Variants in ST3GAL1 observed in about 807,000 individuals in gnomAD.
ST3GAL1 encodes the protein ST3 beta-galactoside alpha-2,3-sialyltransferase 1.
Under a neutral mutation model 34.1 loss-of-function variants are expected in ST3GAL1, and 16 were observed. The observed-to-expected ratio is 0.47, with a 90% CI of 0.32 to 0.71. The LOEUF is 0.71. ST3GAL1 is among the 30% of genes least tolerant of loss of function. ST3GAL1 has a pLI of 0.04. For missense variants in ST3GAL1, 353 were observed against 447.4 expected, an observed-to-expected ratio of 0.79 and a Z score of 1.90; for synonymous variants, 191 against 184.7, an observed-to-expected ratio of 1.03 and a Z score of -0.28.
chr8:133,461,880 C>T lies in ST3GAL1; in HGVS notation c.844G>A (p.Asp282Asn), dbSNP rs763022288. The T allele has an allele frequency of 1.9e-6, 3 of 1,613,928 alleles. No homozygotes were observed. The highest frequency in any genetic ancestry group is 1.3e-5 in the African/African-American group (1 of 74,906). ...GCAGGGGGAGGGTGGCATACCTCAT[C>T]GCAGACATGCATTGAGAAGATGACC... Reference protein sequence around the residue: ...LSVIFSMHVCDEVDLYGFGAD... With the variant: ...LSVIFSMHVCNEVDLYGFGAD... The change falls in exon 9 of 10, where the codon GAT becomes AAT. Residue 282 changes from aspartate to asparagine, a missense_variant. Coordinates refer to ENST00000522652, the MANE Select transcript of ST3GAL1 (RefSeq NM_173344.3). This position sits in a 1 kb window ranked among gnomAD's most constrained non-coding sequence, Gnocchi z 4.7.
At position 133,459,720 on chromosome 8, in the gene ST3GAL1, A is replaced by C; in HGVS notation, c.*44T>G. On this transcript the variant is annotated 3_prime_UTR_variant, in exon 10 of 10. Transcript: ENST00000522652. The surrounding 1 kb of genome is among the most constrained non-coding windows in gnomAD (Gnocchi z 4.7). ...CTCCAGCAAGATGCTGGGGCTGGAA[A>C]TGCAGAGGTGTGACAGTGCGTCCAT... The C allele has an allele frequency of 6.4e-7, 1 of 1,557,218 alleles. No homozygotes were observed. Among genetic ancestry groups the C allele is most frequent in the South Asian group, 1.2e-5 (1 of 83,368 alleles).
chr8:133,540,924 T>TATATAGACATATATATAGAC (rs1563734225), intron 2 of ST3GAL1, among the ~76,000 whole-genome samples: 6 of 75,888 alleles, frequency 7.9e-5, no homozygotes, highest in East Asian at 1.0e-3. Context: ...TATAGACATA[T>TATATAGACATATATATAGAC]ATATATAGAC....
At chr8:133,470,631 A>G (rs762191566) in intron 5 of ST3GAL1, among the ~76,000 whole-genome samples, 2 of 152,156 alleles carry the variant, frequency 1.3e-5, no homozygotes, top group Non-Finnish European at 2.9e-5. Context: ...CTTCCCTGGA[A>G]GCAGAGGCTG....
At chr8:133,515,217 C>G (rs1817608683) in intron 2 of ST3GAL1, among the ~76,000 whole-genome samples, 1 of 152,226 alleles carries the variant, frequency 6.6e-6, no homozygotes, top group Admixed American at 6.5e-5. Context: ...GGCAGCAGGC[C>G]TCCTGGGCCC....
intron 2 of ST3GAL1, among the ~76,000 whole-genome samples, chr8:133,526,621 C>A (rs1817982843): frequency 6.6e-6 from 1 of 152,066 alleles, no homozygotes; most frequent in Admixed American, 6.6e-5. Context: ...AACAGAGAAA[C>A]CACTGCAAAA....
In ST3GAL1 at chr8:133,466,233, C is replaced by T; in HGVS notation, c.307-143G>A. 1.3e-6 allele frequency: 1 copy of T among 760,432 alleles called. No individual in the cohort carries two copies. The highest frequency in any genetic ancestry group is 2.1e-6 in the Non-Finnish European group (1 of 478,066). 47.1% of individuals were successfully genotyped at this position (760,432 alleles called of 1,614,324 possible). A position where few individuals can be genotyped will look rare whatever the true frequency, so the allele number is the denominator to read the frequency against. On this transcript the variant is annotated intron_variant, in intron 5 of 9. Transcript: ENST00000522652. The surrounding 1 kb of genome is among the most constrained non-coding windows in gnomAD (Gnocchi z 4.4). ...GCTGGGCCCCCGGAGATGGAGGCGG[C>T]TCACACACAGACACCTCCACTTCCT...
intron 2 of ST3GAL1, among the ~76,000 whole-genome samples, chr8:133,544,412 G>T (rs554318877): frequency 6.6e-6 from 1 of 152,298 alleles, no homozygotes; most frequent in East Asian, 1.9e-4. Context: ...ATGTTCCCAA[G>T]CATCATTACT....
Position 133,541,096 on chromosome 8 carries a change from C to T in ST3GAL1, c.-429+4678G>A, listed in dbSNP as rs905804777. On this transcript the variant is annotated intron_variant, in intron 2 of 9. Transcript: ENST00000522652. ...ATATATATAGACATATATATATAAA[C>T]ATATATATATATATATATATATATA... Among the ~76,000 whole-genome samples the T allele has an allele frequency of 3.3e-3, 123 of 37,182 alleles. 5 individuals carry two copies. Among genetic ancestry groups the T allele is most frequent in the Non-Finnish European group, 3.8e-3 (84 of 22,236 alleles). The allele number at this position is 37,182 out of a possible 152,430, so 24.4% of individuals were successfully genotyped here.
Position 133,463,395 on chromosome 8 carries a change from G to C in ST3GAL1, c.729+19C>G. ...AGGAAGCCTGAACTTAGAACAGAGG[G>C]GCCGGGGCCTCCACTCACCTTATCC... On this transcript the variant is annotated intron_variant, in intron 8 of 9. Transcript: ENST00000522652. 6.2e-7 allele frequency: 1 copy of C among 1,613,720 alleles called. No homozygotes were observed. Among genetic ancestry groups the C allele is most frequent in the South Asian group, 1.1e-5 (1 of 90,910 alleles).
Position 133,482,006 on chromosome 8 carries a change from C to T in ST3GAL1, c.-373-5406G>A, listed in dbSNP as rs566399212. 3.9e-5 allele frequency among the ~76,000 whole-genome samples: 6 copies of T among 152,158 alleles called. No homozygotes were observed. In the South Asian group the frequency reaches 1.2e-3, roughly 32 times the overall value. On this transcript the variant is annotated intron_variant, in intron 3 of 9. Coordinates refer to ENST00000522652, the MANE Select transcript of ST3GAL1 (RefSeq NM_173344.3). The stretch of plus-strand genomic sequence containing the variant: ...CTCACTGACTCCCTCTACCTACCTA[C>T]CTATCTCTGTTTTGTTTCCCCACCT...
Position 133,517,404 on chromosome 8 carries a change from C to G in ST3GAL1, c.-428-18215G>C, listed in dbSNP as rs890670114. On this transcript the variant is annotated intron_variant, in intron 2 of 9. Transcript: ENST00000522652. The stretch of plus-strand genomic sequence containing the variant: ...TCACTCTCTCACCCAGGCTGGAGTG[C>G]AGTGGTGCAATCTCAGTTCACTGCA... Among the ~76,000 whole-genome samples the G allele has an allele frequency of 1.2e-4, 18 of 152,254 alleles. No homozygotes were observed. In the South Asian group the frequency reaches 2.3e-3, roughly 19 times the overall value.
At chr8:133,498,181 C>T (rs528757524) in intron 3 of ST3GAL1, among the ~76,000 whole-genome samples, 117 of 152,342 alleles carry the variant, frequency 7.7e-4, no homozygotes, top group African/African-American at 2.7e-3. Flanking sequence ...CTCTGTCTTC[C>T]CCCGCCAGAA....
chr8:133,512,258 A>T (rs1293660646), intron 2 of ST3GAL1, among the ~76,000 whole-genome samples: 1 of 152,290 alleles, frequency 6.6e-6, no homozygotes, highest in South Asian at 2.1e-4. Context: ...CACTGGTGTA[A>T]GTCCAAGAGT....
intron 2 of ST3GAL1, among the ~76,000 whole-genome samples, chr8:133,500,290 T>C (rs1222068689): frequency 1.3e-5 from 2 of 152,064 alleles, no homozygotes; most frequent in African/African-American, 2.4e-5. Flanking sequence ...TCTGAGGCCC[T>C]CAGACGTTAA....
chr8:133,547,218 T>G (rs1818697367), intron 1 of ST3GAL1, among the ~76,000 whole-genome samples: 3 of 152,048 alleles, frequency 2.0e-5, no homozygotes, highest in African/African-American at 7.2e-5. Context: ...GTGACATAAA[T>G]AAAGGCTTTA....
chr8:133,526,111 A>G (rs984456946), intron 2 of ST3GAL1, among the ~76,000 whole-genome samples: 2 of 152,126 alleles, frequency 1.3e-5, no homozygotes, highest in Non-Finnish European at 2.9e-5. Context: ...TGCTGCCATC[A>G]CTGACAATTC....
Position 133,551,612 on chromosome 8 carries a change from AAG to A in ST3GAL1, c.-581-5688_-581-5687del, listed in dbSNP as rs1311113191. On this transcript the variant is annotated intron_variant, in intron 1 of 9. Coordinates refer to ENST00000522652, the MANE Select transcript of ST3GAL1 (RefSeq NM_173344.3). ...AAAGAAAGAAAGAAAGAAAGAAAGA[AAG>A]AAAGAGCGAGCAAGCCTTTCTCTGA... Among the ~76,000 whole-genome samples the A allele has an allele frequency of 1.3e-3, 171 of 129,810 alleles. 2 individuals carry two copies. Among genetic ancestry groups the A allele is most frequent in the African/African-American group, 4.3e-3 (152 of 35,526 alleles). 85.2% of individuals were successfully genotyped at this position (129,810 alleles called of 152,430 possible). A position where few individuals can be genotyped will look rare whatever the true frequency, so the allele number is the denominator to read the frequency against.
At chr8:133,506,814 G>T (rs1817356100) in intron 2 of ST3GAL1, among the ~76,000 whole-genome samples, 1 of 151,846 alleles carries the variant, frequency 6.6e-6, no homozygotes, top group African/African-American at 2.4e-5. Context: ...GCTGGGCTGG[G>T]TGTGGTGGCT....
At position 133,469,570 on chromosome 8, in the gene ST3GAL1, G is replaced by A. The variant is rs558693803; in HGVS notation, c.307-3480C>T. On this transcript the variant is annotated intron_variant, in intron 5 of 9. Transcript: ENST00000522652. This position sits in a 1 kb window ranked among gnomAD's most constrained non-coding sequence, Gnocchi z 4.3. Reference sequence around the variant, plus strand: ...AGGAAACCTCTCATCTCTACCACACGTAGAAAGCAAGAATTACCTGGCAGA... The same window carrying A: ...AGGAAACCTCTCATCTCTACCACACATAGAAAGCAAGAATTACCTGGCAGA... Among the ~76,000 whole-genome samples, 18 of 152,300 alleles carry A rather than the reference G, an allele frequency of 1.2e-4. No homozygotes were observed. The East Asian group carries it at 2.3e-3, about 20-fold the overall frequency.
Sources: gnomAD v4.1 joint callset for allele counts (sites outside exome capture counted in the v4.1 genomes callset) on GRCh38, gnomAD v4.1.1 for gene constraint, Gnocchi (gnomAD v3.1) non-coding constraint, MANE v1.5 for transcripts, NCBI Gene and HGNC (gene_info 2026-07-23, HGNC 2026-07-21) for gene names.